ARHGAP15: variants seen among roughly 807,000 people sequenced by gnomAD.
ARHGAP15 encodes rho GTPase-activating protein 15.
In ARHGAP15, 51 loss-of-function variants were observed where a neutral mutation model predicts 63.7. The observed-to-expected ratio is 0.80, with a 90% CI of 0.64 to 1.01. The LOEUF (loss-of-function observed/expected upper bound fraction) is 1.01. ARHGAP15 is among the 50% of genes least tolerant of loss of function. The pLI is 0.00. For missense variants in ARHGAP15, 560 were observed against 564.6 expected, an observed-to-expected ratio of 0.99 and a Z score of 0.08; for synonymous variants, 191 against 193.8, an observed-to-expected ratio of 0.99 and a Z score of 0.12.
At chr2:143,175,083 A>G (rs183273151) in intron 2 of ARHGAP15, among the ~76,000 whole-genome samples, 15 of 152,282 alleles carry the variant, frequency 9.9e-5, no homozygotes, top group African/African-American at 2.2e-4. Flanking sequence ...GACACTCTGT[A>G]GTGGTGGACT....
intron 11 of ARHGAP15, among the ~76,000 whole-genome samples, chr2:143,594,087 C>T (rs913358494): frequency 6.6e-6 from 1 of 151,758 alleles, no homozygotes; most frequent in Admixed American, 6.6e-5. Flanking sequence ...CATGTGTGTG[C>T]GTGTGTAGAT....
intron 12 of ARHGAP15, among the ~76,000 whole-genome samples, chr2:143,624,774 T>A (rs970475443): frequency 1.3e-5 from 2 of 152,212 alleles, no homozygotes; most frequent in Non-Finnish European, 2.9e-5. Flanking sequence ...AATTTGCTTA[T>A]GAGCAGCGTG....
At chr2:143,483,045 G>A (rs1420364923) in intron 8 of ARHGAP15, among the ~76,000 whole-genome samples, 2 of 152,190 alleles carry the variant, frequency 1.3e-5, no homozygotes, top group Non-Finnish European at 1.5e-5. Flanking sequence ...GTTAAAAACT[G>A]TCTAATCATG....
intron 13 of ARHGAP15, among the ~76,000 whole-genome samples, chr2:143,721,841 T>TGC (rs1446524957): frequency 1.3e-5 from 2 of 152,096 alleles, no homozygotes; most frequent in African/African-American, 4.8e-5. Flanking sequence ...CGCCCACCAC[T>TGC]GCGCCCAGCT....
In ARHGAP15 at chr2:143,730,892, T is replaced by TAA. The variant is rs1158246680; in HGVS notation, c.1244+27393_1244+27394dup. The stretch of plus-strand genomic sequence containing the variant: ...CCAGTCAACACCTAGAGCACTCCTT[T>TAA]AAAAAAAAAAAAAAAAAAAAAAAAA... On this transcript the variant is annotated intron_variant, in intron 13 of 13. Transcript: ENST00000295095. 1.1e-3 allele frequency among the ~76,000 whole-genome samples: 92 copies of TAA among 84,024 alleles called. 1 individual carries two copies. The highest frequency in any genetic ancestry group is 1.5e-3 in the East Asian group (4 of 2,682). 55.1% of individuals were successfully genotyped at this position (84,024 alleles called of 152,430 possible).
chr2:143,295,487 C>T (rs1377898340), intron 6 of ARHGAP15: 1 of 151,938 alleles, frequency 6.6e-6, no homozygotes, highest in Non-Finnish European at 1.5e-5. Flanking sequence ...AAATAAAAGG[C>T]AGACAATAGG....
At chr2:143,172,255 C>T (rs867294318) in intron 2 of ARHGAP15, 5 of 152,106 alleles carry the variant, frequency 3.3e-5, no homozygotes, top group Admixed American at 1.3e-4. Flanking sequence ...CAAAATAACA[C>T]TGGATAGAGA....
At chr2:143,435,542 A>G in intron 6 of ARHGAP15, 59 bp from the exon 7 acceptor site, 3 of 1,451,886 alleles carry the variant, frequency 2.1e-6, no homozygotes, top group Non-Finnish European at 2.7e-6. Context: ...CATGTAAGAG[A>G]TCTATCTTAC....
At position 143,371,272 on chromosome 2, in the gene ARHGAP15, T is replaced by C. The variant is rs554613439; in HGVS notation, c.475-64329T>C. On this transcript the variant is annotated intron_variant, in intron 6 of 13. Transcript: ENST00000295095. ...ACCTATTAACCTGTCATCTAGGTTT[T>C]AAGCCCTGCATGCATTAGGTAGATA... is the stretch of plus-strand genomic sequence containing the variant. Among the ~76,000 whole-genome samples, 5 of 152,332 alleles carry C rather than the reference T, an allele frequency of 3.3e-5. No homozygotes were observed. The East Asian group carries it at 9.6e-4, about 29-fold the overall frequency.
chr2:143,355,695 CTT>C (rs987642078), intron 6 of ARHGAP15, among the ~76,000 whole-genome samples: 1 of 151,970 alleles, frequency 6.6e-6, no homozygotes, highest in African/African-American at 2.4e-5. Flanking sequence ...TACATTTTGT[CTT>C]TTGAAATATG....
At chr2:143,343,559 G>T in intron 6 of ARHGAP15, among the ~76,000 whole-genome samples, 1 of 152,104 alleles carries the variant, frequency 6.6e-6, no homozygotes, top group East Asian at 1.9e-4. Context: ...AAAGATCACT[G>T]TGTTGGCAGT....
intron 8 of ARHGAP15, among the ~76,000 whole-genome samples, chr2:143,471,287 A>AT (rs1340768251): frequency 2.7e-5 from 4 of 147,680 alleles, no homozygotes; most frequent in African/African-American, 1.1e-4. Context: ...GCATGCATTT[A>AT]TTTTTGTTTG....
intron 1 of ARHGAP15, among the ~76,000 whole-genome samples, chr2:143,136,629 C>T (rs1558767415): frequency 6.6e-6 from 1 of 151,840 alleles, no homozygotes; most frequent in Non-Finnish European, 1.5e-5. Context: ...ACTTTGAGGG[C>T]ATGAAAACCG....
chr2:143,522,979 G>A (rs1694118629), intron 10 of ARHGAP15, among the ~76,000 whole-genome samples: 1 of 152,110 alleles, frequency 6.6e-6, no homozygotes, highest in Non-Finnish European at 1.5e-5. Context: ...AGTAAACAAA[G>A]TATATATTTT....
At chr2:143,245,053 C>A (rs1346954081) in intron 5 of ARHGAP15, among the ~76,000 whole-genome samples, 1 of 152,186 alleles carries the variant, frequency 6.6e-6, no homozygotes, top group African/African-American at 2.4e-5. Context: ...CTGTGCTACA[C>A]TCTCATGGTA....
intron 2 of ARHGAP15, among the ~76,000 whole-genome samples, chr2:143,182,873 T>C (rs1044455571): frequency 3.3e-5 from 5 of 152,086 alleles, no homozygotes; most frequent in Non-Finnish European, 7.4e-5. Context: ...GGAAAGAGAA[T>C]GAGCAGGACC....
intron 12 of ARHGAP15, among the ~76,000 whole-genome samples, chr2:143,690,855 C>T (rs1212132052): frequency 6.6e-6 from 1 of 152,060 alleles, no homozygotes. Context: ...AACTGAGTCT[C>T]AAGTCTTTAA....
At chr2:143,159,718 A>G (rs1465497024) in intron 2 of ARHGAP15, among the ~76,000 whole-genome samples, 2 of 151,972 alleles carry the variant, frequency 1.3e-5, no homozygotes, top group Non-Finnish European at 2.9e-5. Context: ...TTTATACCAC[A>G]TTAAGGCTTA....
chr2:143,453,075 TTAATC>T (rs150246518), intron 8 of ARHGAP15, among the ~76,000 whole-genome samples: 14,407 of 151,880 alleles, frequency 0.095, 838 homozygotes, highest in African/African-American at 0.17. Flanking sequence ...TCTAAGCACT[TTAATC>T]TACTCTCATT....
Sources: gnomAD v4.1 joint callset for allele counts (sites outside exome capture counted in the v4.1 genomes callset) on GRCh38, gnomAD v4.1.1 for gene constraint, MANE v1.5 for transcripts, NCBI Gene and HGNC (gene_info 2026-07-23, HGNC 2026-07-21) for gene names.